The following DZIP1L variants were observed in gnomAD, a reference collection of about 807,000 sequenced individuals.
The protein encoded by DZIP1L is DAZ interacting zinc finger protein 1 like.
Under a neutral mutation model 88.7 loss-of-function variants are expected in DZIP1L, and 90 were observed. That is an observed-to-expected ratio of 1.02 (90% CI 0.86 to 1.21). DZIP1L has a LOEUF of 1.21. Among genes scored for constraint, DZIP1L ranks in the 50% most tolerant of loss-of-function variants. DZIP1L has a pLI of 0.00. For synonymous variants in DZIP1L, 363 were observed against 372.1 expected (o/e 0.98, Z 0.28); for missense variants, 932 against 955.8 (o/e 0.98, Z 0.33).
At chr3:138,089,043 A>G in intron 5 of DZIP1L, 1 of 985,512 alleles carries the variant, frequency 1.0e-6, no homozygotes, top group Non-Finnish European at 1.2e-6. Flanking sequence ...GATCAAAGAG[A>G]GGATGCCTTT....
At chr3:138,081,843 GCA>G (rs774010278) in intron 8 of DZIP1L, 79 bp from the exon 9 acceptor site, 271 of 1,480,850 alleles carry the variant, frequency 1.8e-4, no homozygotes, top group Middle Eastern at 3.7e-4. Context: ...TGTCTGCCTA[GCA>G]CAGTGAGGAA....
At position 138,102,670 on chromosome 3, in the gene DZIP1L, T is replaced by C. The variant is rs375408390; in HGVS notation, c.501+801A>G. The C allele has an allele frequency of 2.7e-5, 33 of 1,215,386 alleles. No individual in the cohort carries two copies. In the East Asian group the frequency reaches 3.5e-4, roughly 13 times the overall value. The allele number at this position is 1,215,386 out of a possible 1,614,324, so 75.3% of individuals were successfully genotyped here. A position where few individuals can be genotyped will look rare whatever the true frequency, so the allele number is the denominator to read the frequency against. ...CTCCTGGGTGCACATGGCCTGAATG[T>C]TGGGGTCCACCTCCAGGTTAAGGGG... On this transcript the variant is annotated intron_variant, in intron 2 of 15. Transcript: ENST00000327532.
intron 11 of DZIP1L, among the ~76,000 whole-genome samples, chr3:138,075,997 T>C (rs570406830): frequency 6.6e-6 from 1 of 151,516 alleles, no homozygotes; most frequent in Non-Finnish European, 1.5e-5. Context: ...TAATCTAAGG[T>C]CACACCTCAT....
In DZIP1L at chr3:138,080,467, C is replaced by T. The variant is rs1392154685; in HGVS notation, c.1288+100G>A. On this transcript the variant is annotated intron_variant, in intron 10 of 15. Transcript: ENST00000327532. ...TCCTTAGATCCCTCCACTCCAGCTT[C>T]GGATGTCCAGATACAGTTAAGTAGA... is the stretch of plus-strand genomic sequence containing the variant. The T allele has an allele frequency of 2.0e-5, 27 of 1,325,736 alleles. 1 individual carries two copies. Among genetic ancestry groups the T allele is most frequent in the African/African-American group, 5.8e-5 (4 of 68,854 alleles). The allele number at this position is 1,325,736 out of a possible 1,614,324, so 82.1% of individuals were successfully genotyped here.
chr3:138,073,710 G>GA (rs1178651336), intron 11 of DZIP1L, among the ~76,000 whole-genome samples: 1 of 152,032 alleles, frequency 6.6e-6, no homozygotes, highest in Non-Finnish European at 1.5e-5. Context: ...TCCAAACCAA[G>GA]ACGAATCTCT....
chr3:138,075,507 C>T (rs1203651044), intron 11 of DZIP1L, among the ~76,000 whole-genome samples: 1 of 152,192 alleles, frequency 6.6e-6, no homozygotes, highest in Non-Finnish European at 1.5e-5. Flanking sequence ...AAGAAACCCT[C>T]AAAACCATGC....
intron 2 of DZIP1L, among the ~76,000 whole-genome samples, chr3:138,099,320 T>G (rs1944618501): frequency 6.6e-6 from 1 of 152,186 alleles, no homozygotes; most frequent in South Asian, 2.1e-4. Context: ...TTTTTTTTTT[T>G]AGCTCATCAG....
intron 2 of DZIP1L, chr3:138,102,794 C>G (rs2042361498): frequency 1.3e-5 from 10 of 751,048 alleles, no homozygotes; most frequent in Non-Finnish European, 2.5e-5. Flanking sequence ...CTGCTGCTGC[C>G]CACTCAGGAG....
chr3:138,093,291 G>T (rs572213106), intron 4 of DZIP1L, among the ~76,000 whole-genome samples: 23 of 151,734 alleles, frequency 1.5e-4, no homozygotes, highest in Non-Finnish European at 3.1e-4. Flanking sequence ...ATTTTGAAAA[G>T]AATCTTTTTT....
chr3:138,109,054 T>C (rs1230227045), intron 1 of DZIP1L, among the ~76,000 whole-genome samples: 3 of 152,204 alleles, frequency 2.0e-5, no homozygotes, highest in East Asian at 1.9e-4. Context: ...GAAACCACTA[T>C]TGAGCTCCAG....
intron 1 of DZIP1L, among the ~76,000 whole-genome samples, chr3:138,109,551 C>T (rs1431207519): frequency 2.6e-5 from 4 of 152,160 alleles, no homozygotes; most frequent in Non-Finnish European, 5.9e-5. Flanking sequence ...GACAGTGTGG[C>T]GATTCCTCAA....
chr3:138,108,452 C>G (rs887368099), intron 1 of DZIP1L, among the ~76,000 whole-genome samples: 1 of 152,106 alleles, frequency 6.6e-6, no homozygotes, highest in Non-Finnish European at 1.5e-5. Context: ...GCCACTCTCT[C>G]TCTCATCTCT....
intron 8 of DZIP1L, among the ~76,000 whole-genome samples, chr3:138,083,492 T>C (rs1943768729): frequency 6.6e-6 from 1 of 152,136 alleles, no homozygotes; most frequent in Non-Finnish European, 1.5e-5. Context: ...GGGCAGAGAA[T>C]TGTCAGCAAC....
In DZIP1L at chr3:138,062,802, G is replaced by A; in HGVS notation, c.*14C>T. 6.2e-7 allele frequency: 1 copy of A among 1,613,482 alleles called. No individual in the cohort carries two copies. The highest frequency in any genetic ancestry group is 8.5e-7 in the Non-Finnish European group (1 of 1,179,922). On this transcript the variant is annotated 3_prime_UTR_variant, in exon 16 of 16. Coordinates refer to ENST00000327532, the MANE Select transcript of DZIP1L (RefSeq NM_173543.3). ...GCCAGGCTAACCCTCTAGCCAGCTA[G>A]CTTCTGGGGTGAATCACCAGGCAGG...
Position 138,088,501 on chromosome 3 carries a change from G to A in DZIP1L, c.877C>T (p.Arg293Trp), listed in dbSNP as rs548204161. The change falls in exon 6 of 16, where the codon CGG becomes TGG. Residue 293 changes from arginine to tryptophan, a missense_variant. Arg to Trp is a moderately radical substitution (Grantham distance 101). Transcript: ENST00000327532. ...ATCACACTGTGGGACTGCAGTGCCC[G>A]CAGTTTCTGAAAAGGCCAGGGCATA... Reference protein sequence around the residue: ...KQNSTLEEKLRALQSHSVMES... With the variant: ...KQNSTLEEKLWALQSHSVMES... The A allele has an allele frequency of 8.7e-5, 141 of 1,612,212 alleles. 1 individual carries two copies. The South Asian group carries it at 8.9e-4, about 10-fold the overall frequency.
At position 138,064,744 on chromosome 3, in the gene DZIP1L, T is replaced by A; in HGVS notation, c.2026A>T (p.Lys676Ter). Residue 676 changes from lysine (K) to a stop codon, truncating the protein, a stop_gained, in exon 15 of 16, where the codon AAA becomes TAA. Coordinates refer to ENST00000327532, the MANE Select transcript of DZIP1L (RefSeq NM_173543.3). LOFTEE classifies it high-confidence loss of function. The part of the protein sequence containing the change: ...GSGTLVQSMV[K>*]NLEKQLEAPA... ...GCTTCTAGCTGCTTCTCCAGGTTTTTGACCATCGACTGCACCAGTGTTCCT... is the reference window on the plus strand; with the variant it reads ...GCTTCTAGCTGCTTCTCCAGGTTTTAGACCATCGACTGCACCAGTGTTCCT... 1 of 1,596,980 alleles carries A rather than the reference T, an allele frequency of 6.3e-7. No individual in the cohort carries two copies. The highest frequency in any genetic ancestry group is 8.5e-7 in the Non-Finnish European group (1 of 1,173,180).
Position 138,101,901 on chromosome 3 carries a change from C to A in DZIP1L, c.501+1570G>T. 7.6e-6 allele frequency: 11 copies of A among 1,448,132 alleles called. No individual in the cohort carries two copies. The South Asian group carries it at 1.3e-4, about 17-fold the overall frequency. 89.7% of individuals were successfully genotyped at this position (1,448,132 alleles called of 1,614,324 possible). A position where few individuals can be genotyped will look rare whatever the true frequency, so the allele number is the denominator to read the frequency against. ...GCTTGGCGTTGGCATCCTTAATGGC[C>A]AGCTCCCCACGTTGCTCGGCATCTG... On this transcript the variant is annotated intron_variant, in intron 2 of 15. Transcript: ENST00000327532.
rs1410977066 is a variant in DZIP1L at position 138,091,554 on chromosome 3, GT to G, written c.870+828del. Among the ~76,000 whole-genome samples the G allele has an allele frequency of 3.3e-5, 5 of 150,456 alleles. No homozygotes were observed. The South Asian group carries it at 6.4e-4, about 19-fold the overall frequency. On this transcript the variant is annotated intron_variant, in intron 5 of 15. Transcript: ENST00000327532. ...AATCACTTGAACCCAGGAGACGGAAGTTGCGGTGAGCCGACACCACGCCACT... is the reference window on the plus strand; with the variant it reads ...AATCACTTGAACCCAGGAGACGGAAGTGCGGTGAGCCGACACCACGCCACT...
intron 4 of DZIP1L, among the ~76,000 whole-genome samples, chr3:138,093,728 A>T (rs1944342790): frequency 6.6e-6 from 1 of 152,178 alleles, no homozygotes; most frequent in Non-Finnish European, 1.5e-5. Context: ...AAACCTATGA[A>T]CCAATCTCTT....
Sources: allele counts gnomAD v4.1 joint callset (sites outside exome capture counted in the v4.1 genomes callset), GRCh38; gene constraint gnomAD v4.1.1; transcripts MANE v1.5; gene names NCBI Gene and HGNC (gene_info 2026-07-23, HGNC 2026-07-21).